Variants in ZEB1 observed in about 807,000 individuals in gnomAD.
The protein encoded by ZEB1 is zinc finger E-box binding homeobox 1.
A neutral mutation model predicts 84.9 loss-of-function variants in ZEB1; 21 were observed. The observed-to-expected ratio is 0.25, with a 90% CI of 0.18 to 0.36. ZEB1 has a LOEUF of 0.36. Ranked by LOEUF, ZEB1 falls within the 10% of genes least tolerant of loss-of-function variation. ZEB1 has a pLI of 1.00. For missense variants in ZEB1, 1,104 were observed against 1,330.2 expected, an observed-to-expected ratio of 0.83 and a Z score of 2.65; for synonymous variants, 420 against 471.1, an observed-to-expected ratio of 0.89 and a Z score of 1.41.
Position 31,412,609 on chromosome 10 carries a change from A to G in ZEB1, c.59-48428A>G, listed in dbSNP as rs533966639. On this transcript the variant is annotated intron_variant, in intron 1 of 8. Transcript: ENST00000424869. The stretch of plus-strand genomic sequence containing the variant: ...TCAATTCATCCTTTTTTATGGCTGC[A>G]TAGTATTCCATGGTGTATATGTGCC... 5.9e-5 allele frequency among the ~76,000 whole-genome samples: 9 copies of G among 152,314 alleles called. No homozygotes were observed. The East Asian group carries it at 1.2e-3, about 20-fold the overall frequency.
At chr10:31,417,647 G>A (rs1258269681) in intron 1 of ZEB1, among the ~76,000 whole-genome samples, 3 of 152,062 alleles carry the variant, frequency 2.0e-5, no homozygotes, top group Non-Finnish European at 4.4e-5. Context: ...AATATTTACT[G>A]TCTTCCATAT....
chr10:31,320,893 T>C (rs1194625035), intron 1 of ZEB1, among the ~76,000 whole-genome samples: 1 of 152,132 alleles, frequency 6.6e-6, no homozygotes, highest in Non-Finnish European at 1.5e-5. Context: ...CCTGTTTGTA[T>C]AATAATGGGC....
chr10:31,395,571 G>A (rs74127726), intron 1 of ZEB1, among the ~76,000 whole-genome samples: 3,598 of 152,140 alleles, frequency 0.024, 136 homozygotes, highest in African/African-American at 0.082. Context: ...ATTTGGGCAG[G>A]GGAAAGAAAA....
chr10:31,474,126 A>G lies in ZEB1; in HGVS notation c.259+12889A>G, dbSNP rs1004063629. Among the ~76,000 whole-genome samples, 5 of 152,202 alleles carry G rather than the reference A, an allele frequency of 3.3e-5. No individual in the cohort carries two copies. The East Asian group carries it at 5.8e-4, about 18-fold the overall frequency. ...AAAACCCTAGAAGAAAACCTAGGCAATAACATTCAGGACATAGGCACGGGC... is the reference window on the plus strand; with the variant it reads ...AAAACCCTAGAAGAAAACCTAGGCAGTAACATTCAGGACATAGGCACGGGC... On this transcript the variant is annotated intron_variant, in intron 2 of 8. Coordinates refer to ENST00000424869, the MANE Select transcript of ZEB1 (RefSeq NM_001174096.2).
At chr10:31,439,341 C>G (rs965338054) in intron 1 of ZEB1, among the ~76,000 whole-genome samples, 3 of 151,974 alleles carry the variant, frequency 2.0e-5, no homozygotes, top group Admixed American at 1.3e-4. Flanking sequence ...TTGCACGGTG[C>G]CAAGAAATTG....
At chr10:31,436,698 T>C (rs1470450222) in intron 1 of ZEB1, among the ~76,000 whole-genome samples, 1 of 152,202 alleles carries the variant, frequency 6.6e-6, no homozygotes, top group African/African-American at 2.4e-5. Context: ...TGAAGCAGGG[T>C]GCAGAAGTAT....
chr10:31,491,122 C>G (rs1187625459), intron 2 of ZEB1, among the ~76,000 whole-genome samples: 1 of 151,916 alleles, frequency 6.6e-6, no homozygotes, highest in South Asian at 2.1e-4. Context: ...TCCTGAGCCT[C>G]TCTCTTTCAT....
chr10:31,394,564 G>A (rs1351179600), intron 1 of ZEB1, among the ~76,000 whole-genome samples: 1 of 152,116 alleles, frequency 6.6e-6, no homozygotes, highest in Non-Finnish European at 1.5e-5. Flanking sequence ...GCCCACCAAG[G>A]GAGACCTCTT....
intron 1 of ZEB1, among the ~76,000 whole-genome samples, chr10:31,407,176 T>C (rs1351464398): frequency 1.3e-5 from 2 of 151,596 alleles, no homozygotes; most frequent in Non-Finnish European, 2.9e-5. Context: ...ACATGTGCCA[T>C]GCTGGTGCAC....
At position 31,343,900 on chromosome 10, in the gene ZEB1, C is replaced by T. The variant is rs530823734; in HGVS notation, c.58+24608C>T. On this transcript the variant is annotated intron_variant, in intron 1 of 8. Coordinates refer to ENST00000424869, the MANE Select transcript of ZEB1 (RefSeq NM_001174096.2). Reference sequence around the variant, plus strand: ...TGTGTTTCGATGTTTTTACTGAATGCGCCTTGAGGAGGAGACTAAAGCTTG... The same window carrying T: ...TGTGTTTCGATGTTTTTACTGAATGTGCCTTGAGGAGGAGACTAAAGCTTG... Among the ~76,000 whole-genome samples the T allele has an allele frequency of 3.3e-5, 5 of 152,076 alleles. No homozygotes were observed. The South Asian group carries it at 8.3e-4, about 25-fold the overall frequency.
Position 31,328,778 on chromosome 10 carries a change from A to T in ZEB1, c.58+9486A>T, listed in dbSNP as rs140898038. 6.1e-4 allele frequency among the ~76,000 whole-genome samples: 93 copies of T among 152,294 alleles called. 1 individual carries two copies. Among genetic ancestry groups the T allele is most frequent in the Admixed American group, 5.8e-3 (89 of 15,294 alleles). On this transcript the variant is annotated intron_variant, in intron 1 of 8. Transcript: ENST00000424869. ...TATAACATTGACATGAACTTCAAGGATAATGTCCCATTGTTATTCTGTTAC... is the reference window on the plus strand; with the variant it reads ...TATAACATTGACATGAACTTCAAGGTTAATGTCCCATTGTTATTCTGTTAC...
chr10:31,323,733 T>G (rs1256276859), intron 1 of ZEB1, among the ~76,000 whole-genome samples: 1 of 152,088 alleles, frequency 6.6e-6, no homozygotes, highest in Non-Finnish European at 1.5e-5. Flanking sequence ...TAGTTATGTC[T>G]TTTCATTTTG....
intron 1 of ZEB1, among the ~76,000 whole-genome samples, chr10:31,412,939 C>T (rs1207686289): frequency 6.6e-6 from 1 of 152,122 alleles, no homozygotes; most frequent in Non-Finnish European, 1.5e-5. Context: ...GCTGACTTAC[C>T]CTGCAATTGC....
intron 2 of ZEB1, among the ~76,000 whole-genome samples, chr10:31,478,841 C>A (rs920526027): frequency 1.3e-5 from 2 of 151,634 alleles, no homozygotes; most frequent in Non-Finnish European, 3.0e-5. Flanking sequence ...AAATATCAGA[C>A]GTTGGAGACT....
intron 2 of ZEB1, among the ~76,000 whole-genome samples, chr10:31,493,299 T>C (rs2066803649): frequency 6.6e-6 from 1 of 151,988 alleles, no homozygotes; most frequent in South Asian, 2.1e-4. Context: ...TAGTTTGTTC[T>C]TTTTTATTGC....
intron 1 of ZEB1, among the ~76,000 whole-genome samples, chr10:31,343,323 G>T (rs1170695365): frequency 6.6e-6 from 1 of 151,930 alleles, no homozygotes; most frequent in Non-Finnish European, 1.5e-5. Flanking sequence ...TATTTCATTT[G>T]CTTTTAAAGT....
chr10:31,425,732 C>A (rs2056841888), intron 1 of ZEB1, among the ~76,000 whole-genome samples: 1 of 152,026 alleles, frequency 6.6e-6, no homozygotes. Flanking sequence ...CCTAATTTTT[C>A]TCTTGATTTC....
intron 1 of ZEB1, among the ~76,000 whole-genome samples, chr10:31,451,480 A>G (rs2060561700): frequency 6.6e-6 from 1 of 152,158 alleles, no homozygotes; most frequent in South Asian, 2.1e-4. Flanking sequence ...TCACACTTAG[A>G]TTTCGTCATA....
Position 31,483,877 on chromosome 10 carries a change from T to C in ZEB1, c.260-11899T>C, listed in dbSNP as rs1306988861. ...GTGGGTTGTGAGTCCATCCCAGGTCTCACTGGGCTAAAATCTAAGTGTTGT... is the reference window on the plus strand; with the variant it reads ...GTGGGTTGTGAGTCCATCCCAGGTCCCACTGGGCTAAAATCTAAGTGTTGT... On this transcript the variant is annotated intron_variant, in intron 2 of 8. Transcript: ENST00000424869. Among the ~76,000 whole-genome samples the C allele has an allele frequency of 2.6e-5, 4 of 152,158 alleles. 1 individual carries two copies. Among genetic ancestry groups the C allele is most frequent in the Admixed American group, 2.0e-4 (3 of 15,248 alleles).
Sources: gnomAD v4.1 joint callset for allele counts (sites outside exome capture counted in the v4.1 genomes callset) on GRCh38, gnomAD v4.1.1 for gene constraint, MANE v1.5 for transcripts, NCBI Gene and HGNC (gene_info 2026-07-23, HGNC 2026-07-21) for gene names.